The following ZYG11B variants were observed in gnomAD, a reference collection of about 807,000 sequenced individuals.
ZYG11B encodes the protein protein zyg-11 homolog B.
Under a neutral mutation model 82.4 loss-of-function variants are expected in ZYG11B, and 36 were observed. That is an observed-to-expected ratio of 0.44 (90% CI 0.33 to 0.58). The LOEUF is 0.58. ZYG11B is among the 20% of genes least tolerant of loss of function. ZYG11B has a pLI of 0.02. For missense variants in ZYG11B, 552 were observed against 895.6 expected (o/e 0.62, Z 4.90); for synonymous variants, 303 against 312.8 (o/e 0.97, Z 0.33).
intron 1 of ZYG11B, among the ~76,000 whole-genome samples, chr1:52,738,985 C>CTTCTTTTTTTT (rs1247210990): frequency 0.017 from 1,845 of 106,276 alleles, 130 homozygotes; most frequent in African/African-American, 0.07. Flanking sequence ...GCCCTGTAAC[C>CTTCTTTTTTTT]TTTTTTTTTT....
chr1:52,817,777 GTA>G lies in ZYG11B; in HGVS notation c.2044+1186_2044+1187del, dbSNP rs869260265. Among the ~76,000 whole-genome samples, 307 of 41,488 alleles carry G rather than the reference GTA, an allele frequency of 7.4e-3. 7 individuals carry two copies. The highest frequency in any genetic ancestry group is 0.013 in the Admixed American group (29 of 2,290). 27.2% of individuals were successfully genotyped at this position (41,488 alleles called of 152,430 possible). A position where few individuals can be genotyped will look rare whatever the true frequency, so the allele number is the denominator to read the frequency against. ...AATAGTAAAGTGTGTATATATATGT[GTA>G]TATATATATATATATATATATATAT... On this transcript the variant is annotated intron_variant, in intron 13 of 13. Transcript: ENST00000294353.
chr1:52,746,029 C>T (rs948954609), intron 1 of ZYG11B, among the ~76,000 whole-genome samples: 1 of 150,858 alleles, frequency 6.6e-6, no homozygotes, highest in Non-Finnish European at 1.5e-5. Context: ...CACTCGATCT[C>T]GGCTCACTGC....
intron 1 of ZYG11B, among the ~76,000 whole-genome samples, chr1:52,737,771 C>A (rs977460386): frequency 2.6e-5 from 4 of 152,088 alleles, no homozygotes; most frequent in Non-Finnish European, 4.4e-5. Context: ...TCAAAAAAAA[C>A]ACAACAATAC....
chr1:52,749,210 TAAAC>T (rs1394827237), intron 1 of ZYG11B, among the ~76,000 whole-genome samples: 7 of 151,946 alleles, frequency 4.6e-5, no homozygotes, highest in African/African-American at 1.5e-4. Context: ...TCCAAAAAAA[TAAAC>T]AAAATACCTA....
At chr1:52,800,885 T>C (rs1047615839) in intron 8 of ZYG11B, among the ~76,000 whole-genome samples, 2 of 152,176 alleles carry the variant, frequency 1.3e-5, no homozygotes, top group Non-Finnish European at 1.5e-5. Context: ...TCTTCAGTTT[T>C]TTTTCCTGAA....
intron 1 of ZYG11B, among the ~76,000 whole-genome samples, chr1:52,746,403 A>G (rs1435425651): frequency 6.6e-6 from 1 of 152,174 alleles, no homozygotes; most frequent in Non-Finnish European, 1.5e-5. Context: ...AATAGAGTTC[A>G]CAGATAAACC....
chr1:52,770,855 T>G (rs905271364), intron 2 of ZYG11B, among the ~76,000 whole-genome samples, 165 bp from the exon 3 acceptor site: 2 of 152,218 alleles, frequency 1.3e-5, no homozygotes, highest in Non-Finnish European at 2.9e-5. Context: ...AGCCCCAGTT[T>G]ACTCATCTAC....
intron 8 of ZYG11B, among the ~76,000 whole-genome samples, chr1:52,798,949 T>C (rs1645051450): frequency 6.6e-6 from 1 of 152,028 alleles, no homozygotes; most frequent in African/African-American, 2.4e-5. Flanking sequence ...ATGACATAAA[T>C]TATGTATGTA....
Position 52,771,837 on chromosome 1 carries a change from AT to A in ZYG11B, c.951+65del, listed in dbSNP as rs1644754372. ...CAATATCTTAGTTGCATAAGACTCT[AT>A]TAAAGATGAATGTCTGTAATATATG... On this transcript the variant is annotated intron_variant, in intron 3 of 13. Transcript: ENST00000294353. The surrounding 1 kb of genome is among the most constrained non-coding windows in gnomAD (Gnocchi z 5.4). 6.6e-7 allele frequency: 1 copy of A among 1,517,874 alleles called. No individual in the cohort carries two copies. Among genetic ancestry groups the A allele is most frequent in the Admixed American group, 2.1e-5 (1 of 48,612 alleles). 94.0% of individuals were successfully genotyped at this position (1,517,874 alleles called of 1,614,324 possible).
rs1645079031 is a variant in ZYG11B, at chr1:52,801,995, T to G, written c.1647+15T>G. ...GGGTTCTAGAGGTTAGAATGGGAATTTAGCTTACAGTTTTGATATTTATTA... is the reference window on the plus strand; with the variant it reads ...GGGTTCTAGAGGTTAGAATGGGAATGTAGCTTACAGTTTTGATATTTATTA... On this transcript the variant is annotated intron_variant, in intron 9 of 13. Transcript: ENST00000294353. 2 of 1,594,100 alleles carry G rather than the reference T, an allele frequency of 1.3e-6. No homozygotes were observed. Among genetic ancestry groups the G allele is most frequent in the Non-Finnish European group, 1.7e-6 (2 of 1,174,338 alleles).
At chr1:52,803,067 A>T in intron 10 of ZYG11B, among the ~76,000 whole-genome samples, 1 of 105,762 alleles carries the variant, frequency 9.5e-6, no homozygotes, top group Non-Finnish European at 1.8e-5. Context: ...TATTTTTGCC[A>T]CTATATATAT....
chr1:52,818,023 A>C (rs561296871), intron 13 of ZYG11B, among the ~76,000 whole-genome samples: 19 of 149,960 alleles, frequency 1.3e-4, no homozygotes, highest in African/African-American at 4.4e-4. Flanking sequence ...TTTTTAGTAG[A>C]GACAGGGTTT....
intron 10 of ZYG11B, among the ~76,000 whole-genome samples, chr1:52,812,442 G>A (rs1218261979): frequency 6.6e-6 from 1 of 151,930 alleles, no homozygotes; most frequent in African/African-American, 2.4e-5. Context: ...TCGCTCTGTT[G>A]CCCAGGCTGG....
At chr1:52,757,610 G>A (rs1050947320) in intron 2 of ZYG11B, among the ~76,000 whole-genome samples, 1 of 152,070 alleles carries the variant, frequency 6.6e-6, no homozygotes, top group African/African-American at 2.4e-5. Context: ...AGGAGACAGA[G>A]GTTGCAGTGA....
At chr1:52,746,567 A>G (rs1254227676) in intron 1 of ZYG11B, among the ~76,000 whole-genome samples, 2 of 151,974 alleles carry the variant, frequency 1.3e-5, no homozygotes, top group Non-Finnish European at 2.9e-5. Context: ...TTACACTCCA[A>G]CCAGCAGTAT....
intron 1 of ZYG11B, among the ~76,000 whole-genome samples, chr1:52,731,757 C>T (rs528713184): frequency 9.9e-5 from 15 of 152,074 alleles, no homozygotes; most frequent in Non-Finnish European, 1.9e-4. Context: ...TGTGAGAGGG[C>T]AACTATTTTA....
rs1243403149 is a variant in ZYG11B, at chr1:52,805,516, A to C, written c.1695+3377A>C. 6.6e-6 allele frequency: 3 copies of C among 455,768 alleles called. No individual in the cohort carries two copies. In the East Asian group the frequency reaches 2.1e-4, roughly 32 times the overall value. The allele number at this position is 455,768 out of a possible 1,614,324, so 28.2% of individuals were successfully genotyped here. On this transcript the variant is annotated intron_variant, in intron 10 of 13. Coordinates refer to ENST00000294353, the MANE Select transcript of ZYG11B (RefSeq NM_024646.3). ...ACAGAAGTTGGCTCAGGTCATCTGA[A>C]ACGGAAAGGTGAAATTTATTTTAAA...
intron 5 of ZYG11B, among the ~76,000 whole-genome samples, chr1:52,788,244 A>C (rs886066768): frequency 4.6e-5 from 7 of 152,270 alleles, no homozygotes; most frequent in Non-Finnish European, 8.8e-5. Flanking sequence ...AAAATTCCTA[A>C]ATACTTGCAT....
intron 4 of ZYG11B, among the ~76,000 whole-genome samples, chr1:52,783,047 C>T (rs1272237280): frequency 4.6e-5 from 7 of 152,008 alleles, no homozygotes; most frequent in Non-Finnish European, 1.0e-4. Flanking sequence ...CTGCCTCAGC[C>T]TCCCGAGTAG....
Sources: gnomAD v4.1 joint callset for allele counts (sites outside exome capture counted in the v4.1 genomes callset) on GRCh38, gnomAD v4.1.1 for gene constraint, Gnocchi (gnomAD v3.1) non-coding constraint, MANE v1.5 for transcripts, NCBI Gene and HGNC (gene_info 2026-07-23, HGNC 2026-07-21) for gene names.